Variants in SIAH3 observed in about 807,000 individuals in gnomAD.
SIAH3 encodes the protein seven in absentia homolog 3.
SIAH3 carries 9 observed loss-of-function variants against 12.6 expected under a neutral mutation model. The observed-to-expected ratio is 0.72, with a 90% confidence interval of 0.43 to 1.25. The LOEUF (loss-of-function observed/expected upper bound fraction) is 1.25, where lower values mean the gene tolerates loss of function less well. SIAH3 is among the 50% of genes most tolerant of loss of function. The pLI, the probability that SIAH3 is intolerant of heterozygous loss-of-function variation, is 0.00. For synonymous variants in SIAH3, 154 were observed against 151.1 expected (o/e 1.02, Z -0.14); for missense variants, 390 against 365.4 (o/e 1.07, Z -0.55).
chr13:45,849,011 C>A (rs1391475162), intron 1 of SIAH3, among the ~76,000 whole-genome samples: 1 of 152,176 alleles, frequency 6.6e-6, no homozygotes, highest in Admixed American at 6.5e-5. Context: ...TTTGAGGTTA[C>A]ATGTGCTTTT....
chr13:45,821,095 A>G (rs1318887074), intron 1 of SIAH3, among the ~76,000 whole-genome samples: 1 of 152,186 alleles, frequency 6.6e-6, no homozygotes, highest in African/African-American at 2.4e-5. Flanking sequence ...TTATTTGAAG[A>G]TAGGGTCTTT....
Position 45,815,528 on chromosome 13 carries a change from T to G in SIAH3, c.136-31471A>C, listed in dbSNP as rs140934862. 9.6e-4 allele frequency among the ~76,000 whole-genome samples: 147 copies of G among 152,362 alleles called. 2 individuals carry two copies. In the Middle Eastern group the frequency reaches 0.024, roughly 25 times the overall value. ...CTTAAAATAAATCTCTCTCTTTATATACATGTGTGTGTGCATATGTATGTA... is the reference window on the plus strand; with the variant it reads ...CTTAAAATAAATCTCTCTCTTTATAGACATGTGTGTGTGCATATGTATGTA... On this transcript the variant is annotated intron_variant, in intron 1 of 1. Coordinates refer to ENST00000400405, the MANE Select transcript of SIAH3 (RefSeq NM_198849.3).
At chr13:45,791,308 T>A (rs1211364810) in intron 1 of SIAH3, among the ~76,000 whole-genome samples, 3 of 152,240 alleles carry the variant, frequency 2.0e-5, no homozygotes, top group African/African-American at 7.2e-5. Flanking sequence ...TAGTAGACTC[T>A]CAATAAATGT....
At chr13:45,820,790 G>A (rs1950653041) in intron 1 of SIAH3, among the ~76,000 whole-genome samples, 1 of 152,110 alleles carries the variant, frequency 6.6e-6, no homozygotes, top group African/African-American at 2.4e-5. Context: ...GAACTTACTG[G>A]CCTTACCAGG....
At chr13:45,799,839 A>C (rs1950575418) in intron 1 of SIAH3, among the ~76,000 whole-genome samples, 1 of 152,256 alleles carries the variant, frequency 6.6e-6, no homozygotes, top group African/African-American at 2.4e-5. Flanking sequence ...TCAGGGAGTT[A>C]GAACTAATCC....
intron 1 of SIAH3, among the ~76,000 whole-genome samples, chr13:45,840,310 T>C (rs2137582755): frequency 6.6e-6 from 1 of 152,200 alleles, no homozygotes; most frequent in Admixed American, 6.5e-5. Flanking sequence ...ATGGAATGGG[T>C]TCTGGACAGG....
At chr13:45,813,052 T>C (rs1027735750) in intron 1 of SIAH3, among the ~76,000 whole-genome samples, 2 of 152,246 alleles carry the variant, frequency 1.3e-5, no homozygotes, top group African/African-American at 4.8e-5. Flanking sequence ...CTGTCTGCAC[T>C]GTTCACACTT....
chr13:45,824,705 T>A (rs566589008), intron 1 of SIAH3, among the ~76,000 whole-genome samples: 257 of 152,278 alleles, frequency 1.7e-3, no homozygotes, highest in Non-Finnish European at 2.6e-3. Context: ...TTTTGTGGTA[T>A]AATTTGTTAA....
chr13:45,818,722 G>A (rs1217222547), intron 1 of SIAH3, among the ~76,000 whole-genome samples: 2 of 152,184 alleles, frequency 1.3e-5, no homozygotes, highest in African/African-American at 4.8e-5. Context: ...AAGAGCGATT[G>A]TGATGGCATT....
chr13:45,801,097 G>GGT (rs796717522), intron 1 of SIAH3, among the ~76,000 whole-genome samples: 6 of 123,656 alleles, frequency 4.9e-5, no homozygotes, highest in African/African-American at 1.8e-4. Context: ...ATGGGTGGCG[G>GGT]GGGGGGGCAT....
chr13:45,777,480 G>A lies in SIAH3; in HGVS notation c.*5903C>T, dbSNP rs1415884480. ...GGAGTATTTATAGTATAGTAGCCAA[G>A]GTGAAATACTTTCAGAAAATATTGG... On this transcript the variant is annotated 3_prime_UTR_variant, in exon 2 of 2. Transcript: ENST00000400405. 2 of 152,096 alleles carry A rather than the reference G, an allele frequency of 1.3e-5. No individual in the cohort carries two copies. Among genetic ancestry groups the A allele is most frequent in the East Asian group, 1.9e-4 (1 of 5,196 alleles). 9.4% of individuals were successfully genotyped at this position (152,096 alleles called of 1,614,324 possible).
At chr13:45,791,081 G>A (rs1169895361) in intron 1 of SIAH3, among the ~76,000 whole-genome samples, 2 of 151,956 alleles carry the variant, frequency 1.3e-5, no homozygotes, top group Non-Finnish European at 2.9e-5. Context: ...GGCGGATCAG[G>A]TTAGCCCAGA....
chr13:45,811,444 C>T (rs989619777), intron 1 of SIAH3, among the ~76,000 whole-genome samples: 1 of 152,080 alleles, frequency 6.6e-6, no homozygotes, highest in Non-Finnish European at 1.5e-5. Flanking sequence ...TTTTGAGACA[C>T]GGTCTTGCTC....
At chr13:45,792,934 C>A (rs1272369500) in intron 1 of SIAH3, among the ~76,000 whole-genome samples, 1 of 152,020 alleles carries the variant, frequency 6.6e-6, no homozygotes, top group Non-Finnish European at 1.5e-5. Flanking sequence ...TTCAAGGCGA[C>A]TTTTTGTGTA....
chr13:45,796,348 C>T (rs1003754744), intron 1 of SIAH3, among the ~76,000 whole-genome samples: 4 of 152,120 alleles, frequency 2.6e-5, no homozygotes, highest in Non-Finnish European at 2.9e-5. Flanking sequence ...GGGGGGGAGG[C>T]GCTCAAGAAC....
intron 1 of SIAH3, among the ~76,000 whole-genome samples, chr13:45,800,289 C>T (rs1950577144): frequency 6.6e-6 from 1 of 152,094 alleles, no homozygotes; most frequent in Admixed American, 6.5e-5. Context: ...TAGCTGAACA[C>T]CATTATTTTT....
intron 1 of SIAH3, among the ~76,000 whole-genome samples, chr13:45,824,539 C>T (rs748639234): frequency 4.1e-4 from 62 of 152,298 alleles, no homozygotes; most frequent in Non-Finnish European, 7.8e-4. Flanking sequence ...GGCAGAGTAT[C>T]TGGGGTTGAG....
At chr13:45,845,916 G>A (rs1390126131) in intron 1 of SIAH3, among the ~76,000 whole-genome samples, 3 of 151,760 alleles carry the variant, frequency 2.0e-5, no homozygotes, top group South Asian at 2.1e-4. Context: ...TACAGCCCAG[G>A]GTGTCATGCT....
chr13:45,795,468 CT>C (rs1165618799), intron 1 of SIAH3, among the ~76,000 whole-genome samples: 1 of 152,198 alleles, frequency 6.6e-6, no homozygotes, highest in African/African-American at 2.4e-5. Flanking sequence ...TAACAAATGC[CT>C]CCGTATAGAC....
Sources: gnomAD v4.1 joint callset for allele counts (sites outside exome capture counted in the v4.1 genomes callset) on GRCh38, gnomAD v4.1.1 for gene constraint, MANE v1.5 for transcripts, NCBI Gene and HGNC (gene_info 2026-07-23, HGNC 2026-07-21) for gene names.